Variants in SPOCK3 observed in about 807,000 individuals in gnomAD.
SPOCK3 encodes the protein SPARC (osteonectin), cwcv and kazal like domains proteoglycan 3, also known as testican-3.
SPOCK3 carries 30 observed loss-of-function variants against 56.6 expected under a neutral mutation model. The observed-to-expected ratio is 0.53, with a 90% CI of 0.40 to 0.72. The LOEUF is 0.72. Among genes scored for constraint, SPOCK3 ranks in the 30% least tolerant of loss-of-function variants. The pLI, the probability that SPOCK3 is intolerant of heterozygous loss-of-function variation, is 0.00. For missense variants in SPOCK3, 527 were observed against 530.0 expected, an observed-to-expected ratio of 0.99 and a Z score of 0.06; for synonymous variants, 196 against 183.3, an observed-to-expected ratio of 1.07 and a Z score of -0.56.
chr4:167,129,033 C>A (rs1762508438), intron 2 of SPOCK3, among the ~76,000 whole-genome samples: 1 of 152,134 alleles, frequency 6.6e-6, no homozygotes, highest in Non-Finnish European at 1.5e-5. Context: ...TCAGGGGCTG[C>A]TGGCCACTGA....
At chr4:166,766,452 G>C (rs559369710) in intron 7 of SPOCK3, among the ~76,000 whole-genome samples, 1 of 152,120 alleles carries the variant, frequency 6.6e-6, no homozygotes, top group African/African-American at 2.4e-5. Flanking sequence ...TAATCATGTG[G>C]TTTTTGTCTT....
intron 3 of SPOCK3, among the ~76,000 whole-genome samples, chr4:167,037,251 A>C (rs1426263758): frequency 6.6e-6 from 1 of 152,148 alleles, no homozygotes; most frequent in Non-Finnish European, 1.5e-5. Context: ...TGGGAGGCCG[A>C]GACGGGTGAA....
At chr4:166,742,662 T>C (rs562038754) in intron 8 of SPOCK3, among the ~76,000 whole-genome samples, 6 of 152,250 alleles carry the variant, frequency 3.9e-5, no homozygotes, top group Non-Finnish European at 8.8e-5. Context: ...GTTTCAGCCA[T>C]ATATGCAATT....
intron 2 of SPOCK3, among the ~76,000 whole-genome samples, chr4:167,105,576 A>ATT (rs1760050794): frequency 6.6e-6 from 1 of 151,696 alleles, no homozygotes; most frequent in Non-Finnish European, 1.5e-5. Context: ...GGAAAAAAAA[A>ATT]AATCACAAAA....
chr4:167,095,982 T>C (rs1018799453), intron 2 of SPOCK3, among the ~76,000 whole-genome samples: 6 of 151,850 alleles, frequency 4.0e-5, no homozygotes, highest in Admixed American at 2.6e-4. Context: ...CAATAAGAAT[T>C]TGATTCTAAA....
chr4:166,753,483 A>T (rs17645162), intron 8 of SPOCK3, among the ~76,000 whole-genome samples: 49,636 of 151,760 alleles, frequency 0.33, 8,318 homozygotes, highest in Admixed American at 0.41. Context: ...AAGTTACTGT[A>T]CTCAACTAAA....
intron 3 of SPOCK3, among the ~76,000 whole-genome samples, chr4:167,051,067 T>C (rs1344014791): frequency 6.6e-6 from 1 of 152,188 alleles, no homozygotes; most frequent in Non-Finnish European, 1.5e-5. Context: ...CTAAAAATGG[T>C]TAAAATGGTA....
chr4:167,131,050 G>T (rs1385694633), intron 2 of SPOCK3, among the ~76,000 whole-genome samples: 1 of 151,882 alleles, frequency 6.6e-6, no homozygotes, highest in Admixed American at 6.6e-5. Context: ...TATTCTAAAT[G>T]TATATTAGTT....
At chr4:167,144,669 C>G (rs1351800300) in intron 2 of SPOCK3, among the ~76,000 whole-genome samples, 2 of 147,728 alleles carry the variant, frequency 1.4e-5, no homozygotes, top group Non-Finnish European at 3.0e-5. Context: ...TGATTTTAAA[C>G]AGGACAGGTC....
chr4:166,956,083 C>T (rs1007087750), intron 4 of SPOCK3, among the ~76,000 whole-genome samples: 1 of 152,030 alleles, frequency 6.6e-6, no homozygotes, highest in Non-Finnish European at 1.5e-5. Context: ...ATGATCTTTT[C>T]CTCCACCCAA....
chr4:167,215,826 A>G (rs1395853261), intron 2 of SPOCK3, among the ~76,000 whole-genome samples: 1 of 152,132 alleles, frequency 6.6e-6, no homozygotes, highest in African/African-American at 2.4e-5. Context: ...TGAATTTCCC[A>G]CCATCCATGA....
chr4:166,951,711 G>C lies in SPOCK3; in HGVS notation c.351-38968C>G, dbSNP rs1423867416. On this transcript the variant is annotated intron_variant, in intron 4 of 10. Transcript: ENST00000357545. Reference sequence around the variant, plus strand: ...AAATACTGGCAAACTGAATCCAGCAGCACATCAAAAAGCTTATCCACCATG... The same window carrying C: ...AAATACTGGCAAACTGAATCCAGCACCACATCAAAAAGCTTATCCACCATG... Among the ~76,000 whole-genome samples the C allele has an allele frequency of 3.5e-4, 50 of 143,194 alleles. 1 individual carries two copies. The highest frequency in any genetic ancestry group is 3.3e-3 in the Admixed American group (49 of 14,776). 93.9% of individuals were successfully genotyped at this position (143,194 alleles called of 152,430 possible).
At chr4:166,991,361 A>ATTTC (rs1439034276) in intron 4 of SPOCK3, among the ~76,000 whole-genome samples, 1 of 149,688 alleles carries the variant, frequency 6.7e-6, no homozygotes, top group East Asian at 1.9e-4. Flanking sequence ...TTATTTATTT[A>ATTTC]TTTATTTATT....
intron 8 of SPOCK3, among the ~76,000 whole-genome samples, chr4:166,751,684 TTCTTTA>T (rs1225511255): frequency 6.6e-6 from 1 of 152,164 alleles, no homozygotes; most frequent in Non-Finnish European, 1.5e-5. Context: ...AATGTTAGTT[TTCTTTA>T]TCATTCCTTT....
intron 3 of SPOCK3, among the ~76,000 whole-genome samples, chr4:167,061,840 T>C (rs1014531646): frequency 3.3e-5 from 5 of 151,992 alleles, no homozygotes; most frequent in African/African-American, 1.2e-4. Flanking sequence ...TTTTTAAATG[T>C]GAACTTTAGT....
chr4:166,817,444 T>C (rs1744488397), intron 6 of SPOCK3, among the ~76,000 whole-genome samples: 1 of 152,038 alleles, frequency 6.6e-6, no homozygotes. Flanking sequence ...GCTCATAATA[T>C]GGGCTTAAAT....
intron 3 of SPOCK3, among the ~76,000 whole-genome samples, chr4:167,011,557 C>A (rs1057192147): frequency 6.6e-6 from 1 of 152,072 alleles, no homozygotes; most frequent in African/African-American, 2.4e-5. Context: ...ATAACCATAA[C>A]GACAACAAAA....
rs559542192 is a variant in SPOCK3 at position 167,122,095 on chromosome 4, T to C, written c.190-59558A>G. Among the ~76,000 whole-genome samples the C allele has an allele frequency of 4.6e-5, 7 of 151,434 alleles. No homozygotes were observed. The South Asian group carries it at 1.5e-3, about 32-fold the overall frequency. ...TTTTCTTTTCCTTTCTTTTCTTTTT[T>C]CTTTTCTCTTCTCTTCTCTTTTTTC... is the stretch of plus-strand genomic sequence containing the variant. On this transcript the variant is annotated intron_variant, in intron 2 of 10. Transcript: ENST00000357545.
At chr4:166,965,393 T>TG in intron 4 of SPOCK3, among the ~76,000 whole-genome samples, 1 of 99,432 alleles carries the variant, frequency 1.0e-5, no homozygotes, top group East Asian at 2.4e-4. Flanking sequence ...TCTATTATTG[T>TG]TTTTTTTTTT....
Sources: allele counts gnomAD v4.1 joint callset (sites outside exome capture counted in the v4.1 genomes callset), GRCh38; gene constraint gnomAD v4.1.1; transcripts MANE v1.5; gene names NCBI Gene and HGNC (gene_info 2026-07-23, HGNC 2026-07-21).